CRIM1: variants seen among roughly 807,000 people sequenced by gnomAD.
The protein encoded by CRIM1 is cysteine-rich motor neuron 1 protein.
Under a neutral mutation model 116.4 loss-of-function variants are expected in CRIM1, and 32 were observed. The observed-to-expected ratio is 0.27, with a 90% CI of 0.21 to 0.37. The LOEUF is 0.37. CRIM1 is among the 10% of genes least tolerant of loss of function. The pLI, the probability that CRIM1 is intolerant of heterozygous loss-of-function variation, is 1.00. For missense variants in CRIM1, 1,331 were observed against 1,354.8 expected (o/e 0.98, Z 0.28); for synonymous variants, 590 against 509.2 (o/e 1.16, Z -2.13).
At chr2:36,394,538 T>A (rs1192270280) in intron 1 of CRIM1, among the ~76,000 whole-genome samples, 6 of 152,098 alleles carry the variant, frequency 3.9e-5, no homozygotes, top group Non-Finnish European at 8.8e-5. Flanking sequence ...TTCATTGTTG[T>A]CTTGAAGATA....
At chr2:36,382,888 A>G (rs1188839592) in intron 1 of CRIM1, among the ~76,000 whole-genome samples, 1 of 152,266 alleles carries the variant, frequency 6.6e-6, no homozygotes, top group Non-Finnish European at 1.5e-5. Flanking sequence ...TGTTCATTAC[A>G]TAGGATATGG....
intron 9 of CRIM1, among the ~76,000 whole-genome samples, 170 bp downstream of exon 9, chr2:36,510,309 C>CA (rs767760925): frequency 6.3e-4 from 94 of 150,130 alleles, no homozygotes; most frequent in East Asian, 4.3e-3. Context: ...GTTGTATCTC[C>CA]AAAAAAAAAG....
chr2:36,403,442 C>T (rs987841284), intron 2 of CRIM1, among the ~76,000 whole-genome samples: 1 of 152,116 alleles, frequency 6.6e-6, no homozygotes, highest in African/African-American at 2.4e-5. Flanking sequence ...GTGTTGCATT[C>T]ATAAGATGGA....
intron 2 of CRIM1, among the ~76,000 whole-genome samples, chr2:36,423,320 A>T (rs1016989195): frequency 6.6e-6 from 1 of 152,214 alleles, no homozygotes; most frequent in African/African-American, 2.4e-5. Context: ...GTTTTTAGCT[A>T]TTTAAAATAA....
At chr2:36,449,549 C>T (rs1676526541) in intron 4 of CRIM1, among the ~76,000 whole-genome samples, 1 of 152,174 alleles carries the variant, frequency 6.6e-6, no homozygotes, top group Non-Finnish European at 1.5e-5. Flanking sequence ...AATCCAGGCC[C>T]ACTTCGGCAT....
At chr2:36,538,094 C>G (rs1322677648) in intron 14 of CRIM1, among the ~76,000 whole-genome samples, 1 of 152,194 alleles carries the variant, frequency 6.6e-6, no homozygotes, top group African/African-American at 2.4e-5. Flanking sequence ...AACGCAACCA[C>G]TGAGTGTACC....
At chr2:36,374,510 C>G (rs527907225) in intron 1 of CRIM1, among the ~76,000 whole-genome samples, 1 of 152,148 alleles carries the variant, frequency 6.6e-6, no homozygotes, top group Non-Finnish European at 1.5e-5. Context: ...CCACACCCAT[C>G]GTGTATGTTT....
At chr2:36,490,716 A>G (rs1374061318) in intron 7 of CRIM1, among the ~76,000 whole-genome samples, 1 of 151,950 alleles carries the variant, frequency 6.6e-6, no homozygotes, top group Admixed American at 6.6e-5. Context: ...TTATTCCTGC[A>G]TCCTCCCACC....
intron 7 of CRIM1, among the ~76,000 whole-genome samples, chr2:36,480,298 C>A (rs1019324038): frequency 2.6e-5 from 4 of 152,180 alleles, no homozygotes; most frequent in African/African-American, 9.7e-5. Context: ...TGTCCCGACT[C>A]CTATTCCAGC....
At chr2:36,542,801 G>C (rs1667037203) in intron 14 of CRIM1, among the ~76,000 whole-genome samples, 1 of 152,084 alleles carries the variant, frequency 6.6e-6, no homozygotes, top group Non-Finnish European at 1.5e-5. Flanking sequence ...TACCACACAT[G>C]AGAGTTTTTC....
chr2:36,443,767 T>A (rs1676041541), intron 4 of CRIM1, among the ~76,000 whole-genome samples: 1 of 152,204 alleles, frequency 6.6e-6, no homozygotes, highest in African/African-American at 2.4e-5. Flanking sequence ...CATCCAGAAT[T>A]TGTTCTGATA....
chr2:36,537,381 C>A lies in CRIM1; in HGVS notation c.2458C>A (p.His820Asn), dbSNP rs761421728. The change falls in exon 14 of 17, where the codon CAC becomes AAC. Residue 820 changes from histidine (H) to asparagine (N), a missense_variant. This residue lies in a region of CRIM1 where 358 missense variants were observed against 436.1 expected (regional missense o/e 0.82). Coordinates refer to ENST00000280527, the MANE Select transcript of CRIM1 (RefSeq NM_016441.3). Reference sequence around the variant, plus strand: ...CACAATTCCAAAGAAGGTGGTGTGCCACTTCAGTGGGAAGGCCTATGCCGA... The same window carrying A: ...CACAATTCCAAAGAAGGTGGTGTGCAACTTCAGTGGGAAGGCCTATGCCGA... ...EDTIPKKVVC[H>N]FSGKAYADEE... The A allele has an allele frequency of 1.2e-6, 2 of 1,614,202 alleles. No individual in the cohort carries two copies. The highest frequency in any genetic ancestry group is 2.2e-5 in the South Asian group (2 of 91,080).
chr2:36,373,707 T>A (rs1670102875), intron 1 of CRIM1, among the ~76,000 whole-genome samples: 1 of 152,204 alleles, frequency 6.6e-6, no homozygotes, highest in Non-Finnish European at 1.5e-5. Flanking sequence ...GTCAGTCTTT[T>A]GTCACAGTGA....
At chr2:36,480,866 A>G (rs1679363347) in intron 7 of CRIM1, among the ~76,000 whole-genome samples, 1 of 152,012 alleles carries the variant, frequency 6.6e-6, no homozygotes, top group Admixed American at 6.6e-5. Context: ...TACTCCTCCC[A>G]TTCCCTAAAG....
intron 5 of CRIM1, among the ~76,000 whole-genome samples, chr2:36,469,343 C>A (rs758194464): frequency 1.6e-4 from 24 of 152,178 alleles, no homozygotes; most frequent in Admixed American, 3.9e-4. Context: ...ATTTGAAATA[C>A]TTCTGTTTTG....
Position 36,479,688 on chromosome 2 carries a change from T to A in CRIM1, c.1366T>A (p.Cys456Ser). ...AGTGCCTGGGGAGTGTTGCCCTGTG[T>A]GCGAAGGTAAATCTTGCAGATGCTA... ...VKVPGECCPV[C>S]EEPTIITVDP... Residue 456 changes from cysteine (C) to serine (S), a missense_variant, in exon 7 of 17, where the codon TGC becomes AGC. Transcript: ENST00000280527. 1 of 1,614,116 alleles carries A rather than the reference T, an allele frequency of 6.2e-7. No homozygotes were observed. The highest frequency in any genetic ancestry group is 1.1e-5 in the South Asian group (1 of 91,084).
chr2:36,376,722 A>T (rs1466450688), intron 1 of CRIM1, among the ~76,000 whole-genome samples: 1 of 152,222 alleles, frequency 6.6e-6, no homozygotes, highest in Non-Finnish European at 1.5e-5. Flanking sequence ...TGGGCATCTC[A>T]GAATTCTTTG....
Position 36,545,951 on chromosome 2 carries a change from C to T in CRIM1, c.2747-1033C>T, listed in dbSNP as rs182598749. On this transcript the variant is annotated intron_variant, in intron 15 of 16. Coordinates refer to ENST00000280527, the MANE Select transcript of CRIM1 (RefSeq NM_016441.3). ...CTATAAAGTTTTATTGCCATCTGCACTGGCTAAAATGATTAGGAATGTTTT... is the reference window on the plus strand; with the variant it reads ...CTATAAAGTTTTATTGCCATCTGCATTGGCTAAAATGATTAGGAATGTTTT... Among the ~76,000 whole-genome samples, 475 of 152,184 alleles carry T rather than the reference C, an allele frequency of 3.1e-3. 8 individuals are homozygous for T. Among genetic ancestry groups the T allele is most frequent in the South Asian group, 0.024 (114 of 4,822 alleles).
At position 36,537,595 on chromosome 2, in the gene CRIM1, A is replaced by C. The variant is rs770531648; in HGVS notation, c.2623+49A>C. ...TTTGTCAAGCTGTAATGTTGATTTA[A>C]GATGAAATCGAAGCAGAGCTCGACC... On this transcript the variant is annotated intron_variant, in intron 14 of 16. Transcript: ENST00000280527. The C allele has an allele frequency of 4.0e-6, 6 of 1,517,710 alleles. No homozygotes were observed. In the South Asian group the frequency reaches 7.8e-5, roughly 20 times the overall value. The allele number at this position is 1,517,710 out of a possible 1,614,324, so 94.0% of individuals were successfully genotyped here. A position where few individuals can be genotyped will look rare whatever the true frequency, so the allele number is the denominator to read the frequency against.
Sources: allele counts gnomAD v4.1 joint callset (sites outside exome capture counted in the v4.1 genomes callset), GRCh38; gene constraint gnomAD v4.1.1; regional missense constraint gnomAD v4.1.1; transcripts MANE v1.5; gene names NCBI Gene and HGNC (gene_info 2026-07-23, HGNC 2026-07-21).